LUZP2: variants seen among roughly 807,000 people sequenced by gnomAD.
The protein encoded by LUZP2 is leucine zipper protein 2.
Under a neutral mutation model 51.6 loss-of-function variants are expected in LUZP2, and 52 were observed. The ratio of observed to expected loss-of-function variants is 1.01; its 90% CI spans 0.81 to 1.27. The LOEUF (loss-of-function observed/expected upper bound fraction) is 1.27, where lower values mean the gene tolerates loss of function less well. LUZP2 is among the 50% of genes most tolerant of loss of function. The pLI, the probability that LUZP2 is intolerant of heterozygous loss-of-function variation, is 0.00. For missense variants in LUZP2, 436 were observed against 395.4 expected (o/e 1.10, Z -0.87); for synonymous variants, 154 against 137.3 (o/e 1.12, Z -0.85).
intron 9 of LUZP2, among the ~76,000 whole-genome samples, chr11:25,017,219 T>A (rs1383150045): frequency 6.6e-6 from 1 of 152,092 alleles, no homozygotes; most frequent in East Asian, 1.9e-4. Flanking sequence ...CCACTCTGAG[T>A]TTTATGTTTA....
intron 7 of LUZP2, among the ~76,000 whole-genome samples, chr11:24,958,936 TA>T (rs1290929658): frequency 6.6e-6 from 1 of 151,996 alleles, no homozygotes; most frequent in African/African-American, 2.4e-5. Context: ...TTATATAAGG[TA>T]GTAAGGAAGG....
chr11:25,033,666 A>C (rs1185614051), intron 9 of LUZP2, among the ~76,000 whole-genome samples: 1 of 152,082 alleles, frequency 6.6e-6, no homozygotes, highest in East Asian at 1.9e-4. Flanking sequence ...ATAAGTGAAA[A>C]CAAGCAGTAT....
intron 3 of LUZP2, among the ~76,000 whole-genome samples, chr11:24,737,500 G>A (rs1470187323): frequency 9.6e-6 from 1 of 104,310 alleles, no homozygotes; most frequent in African/African-American, 3.0e-5. Flanking sequence ...GATAGCTCGA[G>A]TAAAAAAAAA....
chr11:24,523,366 A>C (rs1205766317), intron 1 of LUZP2, among the ~76,000 whole-genome samples: 2 of 151,808 alleles, frequency 1.3e-5, no homozygotes, highest in East Asian at 3.9e-4. Context: ...AAAATCCTCT[A>C]CTCAATTATA....
At chr11:24,785,599 T>C (rs1043386856) in intron 5 of LUZP2, among the ~76,000 whole-genome samples, 1 of 151,990 alleles carries the variant, frequency 6.6e-6, no homozygotes, top group Non-Finnish European at 1.5e-5. Flanking sequence ...TTAGGAAGTT[T>C]AATGAGCTTG....
intron 5 of LUZP2, among the ~76,000 whole-genome samples, chr11:24,826,196 T>TATATATATATAC (rs1564948125): frequency 7.5e-6 from 1 of 132,522 alleles, no homozygotes; most frequent in Non-Finnish European, 1.6e-5. Context: ...AAAAAATATA[T>TATATATATATAC]ATATATATAT....
At chr11:24,614,283 A>T (rs1166148777) in intron 1 of LUZP2, among the ~76,000 whole-genome samples, 3 of 151,952 alleles carry the variant, frequency 2.0e-5, no homozygotes, top group Non-Finnish European at 4.4e-5. Context: ...ACATATTGTT[A>T]ATCAACTTCT....
At position 25,041,311 on chromosome 11, in the gene LUZP2, C is replaced by T. The variant is rs34793974; in HGVS notation, c.766-8727C>T. Among the ~76,000 whole-genome samples, 1,043 of 152,100 alleles carry T rather than the reference C, an allele frequency of 6.9e-3. 7 individuals are homozygous for T. Among genetic ancestry groups the T allele is most frequent in the Admixed American group, 0.012 (187 of 15,270 alleles). Reference sequence around the variant, plus strand: ...AACAATAATTAATAATAAAATAGAACAATTAAAACAATATACTATAATAAA... The same window carrying T: ...AACAATAATTAATAATAAAATAGAATAATTAAAACAATATACTATAATAAA... On this transcript the variant is annotated intron_variant, in intron 9 of 11. Transcript: ENST00000336930.
Position 24,983,262 on chromosome 11 carries a change from C to T in LUZP2, c.734C>T (p.Ser245Phe). The T allele has an allele frequency of 1.2e-6, 2 of 1,611,948 alleles. No individual in the cohort carries two copies. Among genetic ancestry groups the T allele is most frequent in the Non-Finnish European group, 1.7e-6 (2 of 1,178,666 alleles). Reference protein sequence around the residue: ...RMLLPPRNIASKLPDAAAKSK... With the variant: ...RMLLPPRNIAFKLPDAAAKSK... ...TTACTCCCACCCAGGAATATTGCCT[C>T]TAAGCTTCCAGATGCAGCGGCCAAA... The change falls in exon 9 of 12, where the codon TCT becomes TTT. Residue 245 changes from serine to phenylalanine, a missense_variant. Ser to Phe is a radical substitution (Grantham distance 155). Coordinates refer to ENST00000336930, the MANE Select transcript of LUZP2 (RefSeq NM_001009909.4).
rs918292222 is a variant in LUZP2, at chr11:24,977,017, A to G, written c.597+352A>G. 3.3e-5 allele frequency among the ~76,000 whole-genome samples: 5 copies of G among 151,940 alleles called. No homozygotes were observed. In the South Asian group the frequency reaches 8.3e-4, roughly 25 times the overall value. Reference sequence around the variant, plus strand: ...CTAGGTGAATGAGTTATGAAGCAAAAGGAAGTAATTATTGGCATCAAATTG... The same window carrying G: ...CTAGGTGAATGAGTTATGAAGCAAAGGGAAGTAATTATTGGCATCAAATTG... On this transcript the variant is annotated intron_variant, in intron 8 of 11. Transcript: ENST00000336930.
intron 7 of LUZP2, among the ~76,000 whole-genome samples, chr11:24,961,312 T>C (rs1048825665): frequency 1.3e-5 from 2 of 152,122 alleles, no homozygotes; most frequent in South Asian, 2.1e-4. Flanking sequence ...TGTTAACTTT[T>C]TGTCTTGTTG....
chr11:24,771,413 T>TTTTTTTTTTTTTTTTGAG (rs1860411508), intron 5 of LUZP2, among the ~76,000 whole-genome samples: 1 of 135,850 alleles, frequency 7.4e-6, no homozygotes, highest in African/African-American at 2.7e-5. Flanking sequence ...ATGTGATTTT[T>TTTTTTTTTTTTTTTTGAG]AACTTTGCAT....
At chr11:24,587,971 C>A (rs1205049692) in intron 1 of LUZP2, among the ~76,000 whole-genome samples, 1 of 151,872 alleles carries the variant, frequency 6.6e-6, no homozygotes, top group Non-Finnish European at 1.5e-5. Flanking sequence ...AGATGTTCAC[C>A]CCTGACCACC....
intron 9 of LUZP2, among the ~76,000 whole-genome samples, chr11:24,995,638 C>A (rs897102382): frequency 6.6e-6 from 1 of 151,870 alleles, no homozygotes; most frequent in Non-Finnish European, 1.5e-5. Context: ...AAAAATGTCA[C>A]CCCATTGCCT....
chr11:24,960,320 G>T (rs1451720058), intron 7 of LUZP2, among the ~76,000 whole-genome samples: 1 of 152,144 alleles, frequency 6.6e-6, no homozygotes, highest in Non-Finnish European at 1.5e-5. Context: ...GTTTCAGAAG[G>T]AATGGTACCA....
intron 7 of LUZP2, among the ~76,000 whole-genome samples, chr11:24,941,539 G>C (rs1854746477): frequency 6.6e-6 from 1 of 152,052 alleles, no homozygotes; most frequent in Admixed American, 6.6e-5. Flanking sequence ...CATATGTCAG[G>C]AAACAATTCA....
chr11:24,959,831 G>C (rs1251157475), intron 7 of LUZP2, among the ~76,000 whole-genome samples: 1 of 152,144 alleles, frequency 6.6e-6, no homozygotes, highest in Non-Finnish European at 1.5e-5. Flanking sequence ...TCTTGTGCCA[G>C]TTTTCAAAGG....
chr11:24,850,062 A>G (rs992231432), intron 5 of LUZP2, among the ~76,000 whole-genome samples: 3 of 152,110 alleles, frequency 2.0e-5, no homozygotes, highest in African/African-American at 4.8e-5. Context: ...TTTTCCTCCC[A>G]TTCTGTAGGT....
rs1491318668 is a variant in LUZP2 at position 24,602,150 on chromosome 11, GTA to G, written c.62+104851_62+104852del. Among the ~76,000 whole-genome samples the G allele has an allele frequency of 2.1e-3, 255 of 124,002 alleles. 5 individuals carry two copies. The highest frequency in any genetic ancestry group is 7.9e-3 in the African/African-American group (246 of 31,118). The allele number at this position is 124,002 out of a possible 152,430, so 81.4% of individuals were successfully genotyped here. On this transcript the variant is annotated intron_variant, in intron 1 of 11. Transcript: ENST00000336930. ...TGTATATGTGTATATATGTATATAT[GTA>G]TATATGTATATATGTGTATATATAT...
Sources: gnomAD v4.1 joint callset for allele counts (sites outside exome capture counted in the v4.1 genomes callset) on GRCh38, gnomAD v4.1.1 for gene constraint, MANE v1.5 for transcripts, NCBI Gene and HGNC (gene_info 2026-07-23, HGNC 2026-07-21) for gene names.